CSF1R: variants seen among roughly 807,000 people sequenced by gnomAD.
CSF1R encodes macrophage colony-stimulating factor 1 receptor.
In CSF1R, 40 loss-of-function variants were observed where a neutral mutation model predicts 110.0. The ratio of observed to expected loss-of-function variants is 0.36; its 90% CI spans 0.28 to 0.47. The LOEUF is 0.47. Ranked by LOEUF, CSF1R falls within the 20% of genes least tolerant of loss-of-function variation. The pLI, the probability that CSF1R is intolerant of heterozygous loss-of-function variation, is 0.99. For missense variants in CSF1R, 1,052 were observed against 1,253.0 expected, an observed-to-expected ratio of 0.84 and a Z score of 2.42; for synonymous variants, 523 against 503.4, an observed-to-expected ratio of 1.04 and a Z score of -0.52.
Position 150,060,961 on chromosome 5 carries a change from C to T in CSF1R, c.1870G>A (p.Ala624Thr), listed in dbSNP as rs1757485973. 1 of 1,601,294 alleles carries T rather than the reference C, an allele frequency of 6.2e-7. No homozygotes were observed. Among genetic ancestry groups the T allele is most frequent in the East Asian group, 2.2e-5 (1 of 44,592 alleles). ...GACATGAGGGCCTCCTTCTCATCAG[C>T]ATGGGCCGTGGCTGGGAGGAAGAAC... ...AVKMLKSTAH[A>T]DEKEALMSEL... Residue 624 changes from alanine to threonine, a missense_variant, in exon 13 of 21, where the codon GCT becomes ACT. Physicochemically the swap from Ala to Thr is moderately conservative, Grantham distance 58. Around this residue, in one of 5 missense-constraint regions of CSF1R, gnomAD observed 76 missense variants for 133.6 expected, o/e 0.57. Transcript: ENST00000675795.
intron 14 of CSF1R, among the ~76,000 whole-genome samples, chr5:150,059,205 C>T (rs1016851027): frequency 2.6e-5 from 4 of 152,146 alleles, no homozygotes; most frequent in East Asian, 1.9e-4. Context: ...CCACCACGCC[C>T]GGCTAATTTT....
chr5:150,076,343 TATCTATC>T (rs1263085141), intron 5 of CSF1R, among the ~76,000 whole-genome samples: 1 of 146,488 alleles, frequency 6.8e-6, no homozygotes, highest in Non-Finnish European at 1.5e-5. Flanking sequence ...TCTATCTATC[TATCTATC>T]TATCTATCTA....
At chr5:150,064,142 G>A (rs138013349) in intron 10 of CSF1R, among the ~76,000 whole-genome samples, 16 of 152,296 alleles carry the variant, frequency 1.1e-4, no homozygotes, top group Non-Finnish European at 2.4e-4. Context: ...ACAGACACTG[G>A]GGGCTACTAG....
chr5:150,054,491 C>G, intron 19 of CSF1R, 61 bp from the exon 20 acceptor site: 1 of 1,434,298 alleles, frequency 7.0e-7, no homozygotes, highest in Non-Finnish European at 9.6e-7. Context: ...GCCATTAACA[C>G]ACACCCCTAG....
intron 1 of CSF1R, among the ~76,000 whole-genome samples, chr5:150,108,839 G>T (rs57414047): frequency 1.3e-5 from 2 of 152,122 alleles, no homozygotes; most frequent in Non-Finnish European, 2.9e-5. Flanking sequence ...CTGCTGGAGA[G>T]GGCAGACCTG....
chr5:150,095,511 A>C (rs1328802275), intron 1 of CSF1R, among the ~76,000 whole-genome samples: 1 of 152,226 alleles, frequency 6.6e-6, no homozygotes, highest in Non-Finnish European at 1.5e-5. Flanking sequence ...AAACACACTT[A>C]TAAACAACCC....
chr5:150,063,873 G>A (rs1168393955), intron 10 of CSF1R, among the ~76,000 whole-genome samples: 1 of 152,174 alleles, frequency 6.6e-6, no homozygotes, highest in East Asian at 1.9e-4. Context: ...GGCTGTGCCT[G>A]CAGCTGGGCT....
chr5:150,097,419 A>G (rs1189728784), intron 1 of CSF1R, among the ~76,000 whole-genome samples: 2 of 151,710 alleles, frequency 1.3e-5, no homozygotes, highest in African/African-American at 4.9e-5. Context: ...AAGAAAAAAG[A>G]AAGAAAGAAA....
At chr5:150,061,076 GCATA>G in intron 12 of CSF1R, 104 bp from the exon 13 acceptor site, 1 of 815,406 alleles carries the variant, frequency 1.2e-6, no homozygotes, top group South Asian at 1.6e-5. Context: ...AGAAAGCAGG[GCATA>G]CCCCAAGACC....
chr5:150,054,549 G>A, intron 19 of CSF1R, 119 bp from the exon 20 acceptor site: 1 of 758,042 alleles, frequency 1.3e-6, no homozygotes, highest in Non-Finnish European at 2.1e-6. Context: ...AGTAAGTTTA[G>A]TATAAAACCT....
At chr5:150,061,469 C>G (rs781566863) in intron 12 of CSF1R, 22 bp downstream of exon 12, 1 of 1,045,470 alleles carries the variant, frequency 9.6e-7, no homozygotes. Flanking sequence ...CATCCCTTCC[C>G]TCATCCCCTC....
intron 1 of CSF1R, among the ~76,000 whole-genome samples, chr5:150,107,718 A>G (rs1409573805): frequency 6.6e-6 from 1 of 152,256 alleles, no homozygotes; most frequent in Non-Finnish European, 1.5e-5. Flanking sequence ...TTGGAGCCAG[A>G]TAGACCAGGA....
rs372965319 is a variant in CSF1R at position 150,070,440 on chromosome 5, C to T, written c.1198+16G>A. 7.9e-5 allele frequency: 122 copies of T among 1,549,802 alleles called. No homozygotes were observed. The highest frequency in any genetic ancestry group is 7.5e-4 in the African/African-American group (55 of 73,116). ...CAGGGCCTCCGCCCCAGGTGGCGCT[C>T]GGCCCCAGCACTCACATCGAAGGGT... On this transcript the variant is annotated intron_variant, in intron 7 of 20. Coordinates refer to ENST00000675795, the MANE Select transcript of CSF1R (RefSeq NM_001288705.3).
chr5:150,066,842 G>A (rs1172102059), intron 10 of CSF1R, among the ~76,000 whole-genome samples: 1 of 152,076 alleles, frequency 6.6e-6, no homozygotes, highest in African/African-American at 2.4e-5. Flanking sequence ...CGACAGGGTG[G>A]GGTCCAACCC....
chr5:150,101,740 GC>G (rs992750835), intron 1 of CSF1R, among the ~76,000 whole-genome samples: 1 of 150,190 alleles, frequency 6.7e-6, no homozygotes. Flanking sequence ...TAAATGGAAG[GC>G]CCCCCAAACC....
At chr5:150,074,973 T>C (rs1190341069) in intron 5 of CSF1R, among the ~76,000 whole-genome samples, 1 of 152,196 alleles carries the variant, frequency 6.6e-6, no homozygotes, top group African/African-American at 2.4e-5. Context: ...TCCTTTTCAT[T>C]ATAGAGGCCC....
Position 150,068,252 on chromosome 5 carries a change from A to G in CSF1R, c.1589T>C (p.Leu530Pro), listed in dbSNP as rs1235972728. Residue 530 changes from leucine (L) to proline (P), a missense_variant, in exon 10 of 21, where the codon CTG becomes CCG. Coordinates refer to ENST00000675795, the MANE Select transcript of CSF1R (RefSeq NM_001288705.3). The part of the protein sequence containing the change: ...VACMSIMALL[L>P]LLLLLLLYKY... ...GTACAATAGCAGCAGGAGCAGCAGC[A>G]GCAGCAAGGCCATGATGGACATGCA... 6.2e-7 allele frequency: 1 copy of G among 1,612,588 alleles called. No homozygotes were observed. The highest frequency in any genetic ancestry group is 8.5e-7 in the Non-Finnish European group (1 of 1,179,970).
intron 4 of CSF1R, 77 bp downstream of exon 4, chr5:150,078,035 G>A (rs1758350457): frequency 1.3e-6 from 2 of 1,578,116 alleles, no homozygotes; most frequent in South Asian, 1.2e-5. Flanking sequence ...GGAGTTGGGG[G>A]CCCAGGACTC....
rs899883054 is a variant in CSF1R, at chr5:150,057,547, C to T, written c.2178G>A (p.Met726Ile). ...CATTTGAAGAAGTGGAGACAGGCCT[C>T]ATCTCCACATAGGTGTCCACACCCT... Reference protein sequence around the residue: ...SSQGVDTYVEMRPVSTSSNDS... With the variant: ...SSQGVDTYVEIRPVSTSSNDS... The change falls in exon 15 of 21, where the codon ATG (methionine) becomes ATA (isoleucine). Residue 726 changes from methionine to isoleucine, a missense_variant. Met to Ile is a conservative substitution (Grantham distance 10, BLOSUM62 1). Transcript: ENST00000675795. 12 of 1,614,236 alleles carry T rather than the reference C, an allele frequency of 7.4e-6. No homozygotes were observed. Among genetic ancestry groups the T allele is most frequent in the Admixed American group, 1.7e-5 (1 of 60,030 alleles).
Sources: allele counts gnomAD v4.1 joint callset (sites outside exome capture counted in the v4.1 genomes callset), GRCh38; gene constraint gnomAD v4.1.1; regional missense constraint gnomAD v4.1.1; transcripts MANE v1.5; gene names NCBI Gene and HGNC (gene_info 2026-07-23, HGNC 2026-07-21).